NLGN1: variants seen among roughly 807,000 people sequenced by gnomAD.
The protein encoded by NLGN1 is neuroligin 1, also known as neuroligin-1.
NLGN1 carries 12 observed loss-of-function variants against 65.5 expected under a neutral mutation model. The ratio of observed to expected loss-of-function variants is 0.18; its 90% CI spans 0.12 to 0.30. The LOEUF is 0.30. Ranked by LOEUF, NLGN1 falls within the 10% of genes least tolerant of loss-of-function variation. NLGN1 has a pLI of 1.00. For missense variants in NLGN1, 750 were observed against 1,007.1 expected, an observed-to-expected ratio of 0.74 and a Z score of 3.46; for synonymous variants, 350 against 359.5, an observed-to-expected ratio of 0.97 and a Z score of 0.30.
chr3:174,088,205 A>G (rs181225411), intron 4 of NLGN1, among the ~76,000 whole-genome samples: 15 of 151,618 alleles, frequency 9.9e-5, no homozygotes, highest in Admixed American at 8.5e-4. Flanking sequence ...TGCAAAAGGT[A>G]AGCAATTAAT....
At chr3:173,885,835 C>T (rs1275244794) in intron 4 of NLGN1, among the ~76,000 whole-genome samples, 2 of 152,004 alleles carry the variant, frequency 1.3e-5, no homozygotes, top group Non-Finnish European at 2.9e-5. Context: ...ATATTCATTA[C>T]TTAATGGATT....
chr3:174,104,311 C>T (rs1277147751), intron 4 of NLGN1, among the ~76,000 whole-genome samples: 1 of 152,056 alleles, frequency 6.6e-6, no homozygotes, highest in Non-Finnish European at 1.5e-5. Context: ...AGCCATTTTA[C>T]TCAAATAGCT....
intron 3 of NLGN1, among the ~76,000 whole-genome samples, chr3:173,793,126 C>T (rs931715889): frequency 9.2e-5 from 14 of 151,962 alleles, no homozygotes; most frequent in African/African-American, 3.1e-4. Context: ...TTGGGTTTGC[C>T]ACTATTAATA....
chr3:173,554,122 T>C (rs2149273133), intron 2 of NLGN1, among the ~76,000 whole-genome samples: 1 of 152,132 alleles, frequency 6.6e-6, no homozygotes, highest in Admixed American at 6.5e-5. Context: ...TTGAATCCAC[T>C]TTATTTTTAA....
intron 4 of NLGN1, among the ~76,000 whole-genome samples, chr3:173,843,270 GGGAGGGGCTGCCATGAAGACCTCTGACGT>G (rs1240364879): frequency 1.3e-5 from 2 of 152,200 alleles, no homozygotes; most frequent in African/African-American, 4.8e-5. Flanking sequence ...GCCCTGTGAT[GGGAGGGGCTGCCATGAAGACCTCTGACGT>G]GCCCCGAAGA....
intron 4 of NLGN1, among the ~76,000 whole-genome samples, chr3:174,244,034 TTG>T (rs762191992): frequency 2.6e-5 from 4 of 152,216 alleles, no homozygotes; most frequent in Non-Finnish European, 5.9e-5. Context: ...TGATTCATTT[TTG>T]TGTTTCATCT....
exon 7 of NLGN1, chr3:174,285,144 C>G (rs964025766): frequency 6.6e-6 from 1 of 151,444 alleles, no homozygotes; most frequent in Non-Finnish European, 1.5e-5. Flanking sequence ...ATAGAAATTA[C>G]TGGGATTCTT....
intron 3 of NLGN1, among the ~76,000 whole-genome samples, chr3:173,628,796 C>T (rs954198365): frequency 1.3e-5 from 2 of 151,870 alleles, no homozygotes; most frequent in African/African-American, 2.4e-5. Flanking sequence ...TGGGCTCAAG[C>T]GATTCTCCTA....
chr3:174,136,280 T>C (rs1370865274), intron 4 of NLGN1, among the ~76,000 whole-genome samples: 4 of 152,166 alleles, frequency 2.6e-5, no homozygotes, highest in South Asian at 2.1e-4. Flanking sequence ...TATTGGGTGT[T>C]TGTTACCCCC....
intron 2 of NLGN1, among the ~76,000 whole-genome samples, chr3:173,516,070 C>T (rs892759642): frequency 6.6e-6 from 1 of 151,982 alleles, no homozygotes; most frequent in Admixed American, 6.6e-5. Context: ...CTGCTACCTT[C>T]AATTTAGTTT....
At chr3:173,968,952 C>T (rs1715544288) in intron 4 of NLGN1, among the ~76,000 whole-genome samples, 1 of 151,714 alleles carries the variant, frequency 6.6e-6, no homozygotes, top group South Asian at 2.1e-4. Flanking sequence ...CCGCCCACCT[C>T]AACCTCCCAA....
rs1230961667 is a variant in NLGN1 at position 173,489,208 on chromosome 3, A to G, written c.-321+54130A>G. Among the ~76,000 whole-genome samples, 9 of 152,056 alleles carry G rather than the reference A, an allele frequency of 5.9e-5. No homozygotes were observed. The East Asian group carries it at 7.8e-4, about 13-fold the overall frequency. The stretch of plus-strand genomic sequence containing the variant: ...AATTAACTCATCATTTACATTAGGT[A>G]TATCTCCTAATGCTATCCCTCCCCC... On this transcript the variant is annotated intron_variant, in intron 2 of 6. Transcript: ENST00000457714.
chr3:173,699,843 C>T (rs1766844887), intron 3 of NLGN1, among the ~76,000 whole-genome samples: 1 of 152,142 alleles, frequency 6.6e-6, no homozygotes, highest in Non-Finnish European at 1.5e-5. Context: ...CCCCTCCCAC[C>T]AGTGGGGAGA....
At chr3:173,827,934 T>C (rs1414102289) in intron 4 of NLGN1, among the ~76,000 whole-genome samples, 1 of 152,030 alleles carries the variant, frequency 6.6e-6, no homozygotes, top group African/African-American at 2.4e-5. Context: ...AGGGCAGATC[T>C]TCCTTACTCA....
chr3:173,828,750 A>C (rs1402071671), intron 4 of NLGN1, among the ~76,000 whole-genome samples: 1 of 152,048 alleles, frequency 6.6e-6, no homozygotes, highest in African/African-American at 2.4e-5. Context: ...TATCATGTTG[A>C]TATCTGAGGG....
intron 3 of NLGN1, among the ~76,000 whole-genome samples, chr3:173,728,969 A>G (rs1221543012): frequency 6.6e-6 from 1 of 152,112 alleles, no homozygotes; most frequent in Admixed American, 6.6e-5. Context: ...TCTGAACTAC[A>G]GCAAATAATA....
At chr3:173,833,626 T>C (rs1723025107) in intron 4 of NLGN1, among the ~76,000 whole-genome samples, 1 of 152,004 alleles carries the variant, frequency 6.6e-6, no homozygotes, top group African/African-American at 2.4e-5. Context: ...CACAAGTGAC[T>C]CTCCCACCTC....
At chr3:173,617,058 A>G (rs1753223121) in intron 3 of NLGN1, among the ~76,000 whole-genome samples, 1 of 151,862 alleles carries the variant, frequency 6.6e-6, no homozygotes, top group Admixed American at 6.6e-5. Flanking sequence ...CCTCCATCCT[A>G]CCTCAGGACC....
In NLGN1 at chr3:174,080,867, G is replaced by A. The variant is rs191464534; in HGVS notation, c.647-194448G>A. Reference sequence around the variant, plus strand: ...CTGAGACCAATTATTATTTTAGAGAGACAGTTAACAACTGCCTAACCATCA... The same window carrying A: ...CTGAGACCAATTATTATTTTAGAGAAACAGTTAACAACTGCCTAACCATCA... On this transcript the variant is annotated intron_variant, in intron 4 of 6. Transcript: ENST00000457714. Among the ~76,000 whole-genome samples the A allele has an allele frequency of 1.5e-4, 22 of 151,378 alleles. No individual in the cohort carries two copies. In the East Asian group the frequency reaches 3.9e-3, roughly 27 times the overall value.
Sources: allele counts gnomAD v4.1 joint callset (sites outside exome capture counted in the v4.1 genomes callset), GRCh38; gene constraint gnomAD v4.1.1; transcripts MANE v1.5; gene names NCBI Gene and HGNC (gene_info 2026-07-23, HGNC 2026-07-21).